Variants in STK33 observed in about 807,000 individuals in gnomAD.
STK33 encodes the protein serine/threonine-protein kinase 33.
In STK33, 52 loss-of-function variants were observed where a neutral mutation model predicts 58.0. The ratio of observed to expected loss-of-function variants is 0.90; its 90% CI spans 0.72 to 1.13. The LOEUF (loss-of-function observed/expected upper bound fraction) is 1.13, where lower values mean the gene tolerates loss of function less well. Ranked by LOEUF, STK33 falls within the 50% of genes most tolerant of loss-of-function variation. The pLI is 0.00. For synonymous variants in STK33, 215 were observed against 200.1 expected, an observed-to-expected ratio of 1.07 and a Z score of -0.63; for missense variants, 630 against 604.2, an observed-to-expected ratio of 1.04 and a Z score of -0.45.
intron 1 of STK33, among the ~76,000 whole-genome samples, chr11:8,536,958 A>G (rs1373120230): frequency 7.4e-6 from 1 of 135,482 alleles, no homozygotes; most frequent in Admixed American, 8.4e-5. Context: ...ATTAAAAAAA[A>G]AAAAAAAAAA....
chr11:8,583,329 A>G (rs1045700269), intron 1 of STK33, among the ~76,000 whole-genome samples: 1 of 152,036 alleles, frequency 6.6e-6, no homozygotes, highest in Admixed American at 6.5e-5. Flanking sequence ...CAATTTGCCA[A>G]TATTTCTACT....
At chr11:8,505,856 A>T (rs999712838) in intron 1 of STK33, among the ~76,000 whole-genome samples, 6 of 151,930 alleles carry the variant, frequency 3.9e-5, no homozygotes, top group Non-Finnish European at 8.8e-5. Flanking sequence ...TCAACTCCCA[A>T]CTCTGCCCTT....
intron 13 of STK33, among the ~76,000 whole-genome samples, 200 bp from the exon 14 acceptor site, chr11:8,435,779 G>C (rs1297901200): frequency 6.6e-6 from 1 of 152,084 alleles, no homozygotes; most frequent in Non-Finnish European, 1.5e-5. Context: ...TAGTTTAATG[G>C]TCTATAGTAA....
chr11:8,592,149 C>G (rs2032711898), intron 1 of STK33, among the ~76,000 whole-genome samples: 1 of 152,110 alleles, frequency 6.6e-6, no homozygotes, highest in Admixed American at 6.6e-5. Context: ...AGGAAACAGA[C>G]TATGAAACAG....
intron 1 of STK33, among the ~76,000 whole-genome samples, chr11:8,512,772 C>G (rs1952441725): frequency 6.6e-6 from 1 of 152,158 alleles, no homozygotes; most frequent in South Asian, 2.1e-4. Flanking sequence ...GTCAGCATGA[C>G]TTTGCTAGGG....
intron 15 of STK33, among the ~76,000 whole-genome samples, chr11:8,394,505 C>T (rs905648575): frequency 1.3e-5 from 2 of 152,160 alleles, no homozygotes; most frequent in African/African-American, 4.8e-5. Context: ...GATTCATTTT[C>T]CTTTAATGTG....
At chr11:8,560,621 G>C (rs893488585) in intron 1 of STK33, among the ~76,000 whole-genome samples, 2 of 152,090 alleles carry the variant, frequency 1.3e-5, no homozygotes, top group African/African-American at 4.8e-5. Flanking sequence ...GTTATGCTTA[G>C]AAAGGCCTTC....
chr11:8,427,818 T>C (rs1439373224), intron 14 of STK33, among the ~76,000 whole-genome samples: 1 of 152,228 alleles, frequency 6.6e-6, no homozygotes, highest in African/African-American at 2.4e-5. Flanking sequence ...CTTCATATTA[T>C]CAACATCTTC....
chr11:8,354,859 G>A, the STK33 span, among the ~76,000 whole-genome samples: 13 of 152,310 alleles, frequency 8.5e-5, no homozygotes, highest in East Asian at 7.7e-4. Context: ...GCCCCTCCGC[G>A]GCTGAAGCTG....
intron 1 of STK33, among the ~76,000 whole-genome samples, chr11:8,514,875 C>T (rs1952638013): frequency 1.3e-5 from 2 of 152,120 alleles, no homozygotes; most frequent in African/African-American, 4.8e-5. Context: ...CCAACTGAGG[C>T]TCCAAACATT....
the STK33 span, among the ~76,000 whole-genome samples, chr11:8,343,084 G>T: frequency 6.6e-6 from 1 of 152,238 alleles, no homozygotes; most frequent in South Asian, 2.1e-4. Context: ...TTTCCTATAG[G>T]GCTCCAGGGC....
the STK33 span, among the ~76,000 whole-genome samples, chr11:8,379,997 T>C: frequency 0.025 from 3,749 of 152,340 alleles, 67 homozygotes; most frequent in East Asian, 0.049. Context: ...CCATGGTGTT[T>C]ATATACCACA....
chr11:8,574,027 T>C (rs1172524992), intron 1 of STK33, among the ~76,000 whole-genome samples: 3 of 152,226 alleles, frequency 2.0e-5, no homozygotes, highest in East Asian at 3.9e-4. Context: ...ACACAAGACC[T>C]GCCTTGAAGT....
intron 1 of STK33, among the ~76,000 whole-genome samples, chr11:8,487,450 A>G (rs1950270982): frequency 1.3e-5 from 2 of 150,256 alleles, no homozygotes; most frequent in African/African-American, 4.9e-5. Flanking sequence ...AAAGAGAGAG[A>G]GAGAGAAAGA....
chr11:8,344,607 C>T, the STK33 span, among the ~76,000 whole-genome samples: 1 of 152,230 alleles, frequency 6.6e-6, no homozygotes, highest in African/African-American at 2.4e-5. Context: ...CAAACGCAGA[C>T]AGCCTGGTTC....
chr11:8,530,427 T>G (rs1286532386), intron 1 of STK33, among the ~76,000 whole-genome samples: 1 of 150,156 alleles, frequency 6.7e-6, no homozygotes, highest in African/African-American at 2.5e-5. Context: ...CTTGTACCAG[T>G]GGAGAAATGT....
rs776183937 is a variant in STK33, at chr11:8,452,888, C to G, written c.805G>C (p.Ala269Pro). The G allele has an allele frequency of 6.2e-7, 1 of 1,614,022 alleles. No homozygotes were observed. Among genetic ancestry groups the G allele is most frequent in the African/African-American group, 1.3e-5 (1 of 74,926 alleles). The stretch of plus-strand genomic sequence containing the variant: ...TCACTCCTACTTTGCTTCTTCACCG[C>G]TAAGCCAAAATCAGTCACCTGGGAG... ...LNIKVTDFGL[A>P]VKKQSRSEAM... Residue 269 changes from alanine (A) to proline (P), a missense_variant, in exon 11 of 16, where the codon GCG (alanine) becomes CCG (proline). Physicochemically the swap from Ala to Pro is conservative, Grantham distance 27. Transcript: ENST00000687296.
At chr11:8,570,313 T>C (rs953319103) in intron 1 of STK33, among the ~76,000 whole-genome samples, 3 of 152,204 alleles carry the variant, frequency 2.0e-5, no homozygotes, top group Non-Finnish European at 4.4e-5. Context: ...CCCTCATTTG[T>C]TGATGGCGGG....
chr11:8,468,837 ACC>A (rs1227939624), intron 6 of STK33, among the ~76,000 whole-genome samples: 2 of 152,202 alleles, frequency 1.3e-5, no homozygotes, highest in Non-Finnish European at 2.9e-5. Context: ...TCAGTTCCAG[ACC>A]ACCACCATAA....
Sources: allele counts gnomAD v4.1 joint callset (sites outside exome capture counted in the v4.1 genomes callset), GRCh38; gene constraint gnomAD v4.1.1; transcripts MANE v1.5; gene names NCBI Gene and HGNC (gene_info 2026-07-23, HGNC 2026-07-21).